CDT1: variants seen among roughly 807,000 people sequenced by gnomAD.
The protein encoded by CDT1 is DNA replication factor Cdt1.
A neutral mutation model predicts 49.3 loss-of-function variants in CDT1; 66 were observed. The ratio of observed to expected loss-of-function variants is 1.34; its 90% CI spans 1.10 to 1.64. The LOEUF is 1.64. Among genes scored for constraint, CDT1 ranks in the 40% most tolerant of loss-of-function variants. The pLI, the probability that CDT1 is intolerant of heterozygous loss-of-function variation, is 0.00. For missense variants in CDT1, 958 were observed against 807.7 expected, an observed-to-expected ratio of 1.19 and a Z score of -2.26; for synonymous variants, 424 against 347.4, an observed-to-expected ratio of 1.22 and a Z score of -2.45.
Position 88,803,790 on chromosome 16 carries a change from T to C in CDT1, c.-42T>C. 6.9e-7 allele frequency: 1 copy of C among 1,454,412 alleles called. No individual in the cohort carries two copies. The highest frequency in any genetic ancestry group is 9.2e-7 in the Non-Finnish European group (1 of 1,082,304). 90.1% of individuals were successfully genotyped at this position (1,454,412 alleles called of 1,614,324 possible). On this transcript the variant is annotated 5_prime_UTR_variant, in exon 1 of 10. Transcript: ENST00000301019. ...GGCGGGAACCGCGCCCGCCTCTTCCTCCCTTCCTTCTTTCCTTGCTTTCGC... is the reference window on the plus strand; with the variant it reads ...GGCGGGAACCGCGCCCGCCTCTTCCCCCCTTCCTTCTTTCCTTGCTTTCGC...
chr16:88,806,605 A>G lies in CDT1; in HGVS notation c.1053A>G (p.Pro351=), dbSNP rs1187624252. 6.2e-7 allele frequency: 1 copy of G among 1,605,110 alleles called. No individual in the cohort carries two copies. Among genetic ancestry groups the G allele is most frequent in the Non-Finnish European group, 8.5e-7 (1 of 1,176,552 alleles). ...TCGAGCCGGCCGCGCTGCCCCAGCCACCCGCCACGGAGAAGCTCACCACTG... is the reference window on the plus strand; with the variant it reads ...TCGAGCCGGCCGCGCTGCCCCAGCCGCCCGCCACGGAGAAGCTCACCACTG... ...PDIEPAALPQ[P]PATEKLTTAQ... The change falls in exon 7 of 10, where the codon CCA becomes CCG. Residue 351 remains proline (P), a synonymous_variant. Coordinates refer to ENST00000301019, the MANE Select transcript of CDT1 (RefSeq NM_030928.4).
At position 88,808,856 on chromosome 16, in the gene CDT1, T is replaced by G. The variant is rs1908978427; in HGVS notation, c.*578T>G. ...CTAAAAATACAAAAAATTAGCCGGGTGTGGTGGTGGGCACCTGTCGTCCCA... is the reference window on the plus strand; with the variant it reads ...CTAAAAATACAAAAAATTAGCCGGGGGTGGTGGTGGGCACCTGTCGTCCCA... On this transcript the variant is annotated 3_prime_UTR_variant, in exon 10 of 10. Transcript: ENST00000301019. 6.3e-6 allele frequency: 1 copy of G among 159,654 alleles called. No individual in the cohort carries two copies. The highest frequency in any genetic ancestry group is 1.8e-4 in the South Asian group (1 of 5,652). The allele number at this position is 159,654 out of a possible 1,614,324, so 9.9% of individuals were successfully genotyped here.
intron 1 of CDT1, 29 bp downstream of exon 1, chr16:88,804,088 G>A (rs1243310380): frequency 3.7e-6 from 5 of 1,356,696 alleles, no homozygotes; most frequent in Non-Finnish European, 4.8e-6. Context: ...CTGAGGCCGG[G>A]GAGTTGGGGG....
rs1908998955 is a variant in CDT1 at position 88,809,171 on chromosome 16, C to A, written c.*893C>A. 3.2e-6 allele frequency: 1 copy of A among 312,236 alleles called. No homozygotes were observed. The highest frequency in any genetic ancestry group is 6.3e-6 in the Non-Finnish European group (1 of 158,568). The allele number at this position is 312,236 out of a possible 1,614,324, so 19.3% of individuals were successfully genotyped here. ...CAGGACAAGTAGGACATCCCTGGAG[C>A]CTCCAGAAGGGACTGGCCTCTGCCC... On this transcript the variant is annotated 3_prime_UTR_variant, in exon 10 of 10. Coordinates refer to ENST00000301019, the MANE Select transcript of CDT1 (RefSeq NM_030928.4).
chr16:88,805,854 C>T lies in CDT1; in HGVS notation c.817C>T (p.Pro273Ser). ...RRSDYQLTIE[P>S]LLEQEADGAA... ...GTCAGATTACCAGCTCACCATCGAG[C>T]CACTGCTGGAGCAGGGTGAGTGCTG... is the stretch of plus-strand genomic sequence containing the variant. Residue 273 changes from proline to serine, a missense_variant, in exon 5 of 10, where the codon CCA (proline) becomes TCA (serine). By Grantham distance (74) the Pro-to-Ser change is moderately conservative. Transcript: ENST00000301019. The T allele has an allele frequency of 2.5e-6, 4 of 1,613,050 alleles. No homozygotes were observed. The highest frequency in any genetic ancestry group is 3.4e-6 in the Non-Finnish European group (4 of 1,179,958).
Position 88,804,070 on chromosome 16 carries a change from TGGGGAGACTGAGGCCGGGGAGTTGGGGGC to T in CDT1, c.228+27_228+55del, listed in dbSNP as rs941213119. ...CTGTCGGTGGACGAGGTGAGGGGCGTGGGGAGACTGAGGCCGGGGAGTTGGGGGCGGGGAGACTGAGGCCCGGGGGGCAG... is the reference window on the plus strand; with the variant it reads ...CTGTCGGTGGACGAGGTGAGGGGCGTGGGGAGACTGAGGCCCGGGGGGCAG... On this transcript the variant is annotated intron_variant, in intron 1 of 9. Coordinates refer to ENST00000301019, the MANE Select transcript of CDT1 (RefSeq NM_030928.4). 3.6e-6 allele frequency: 5 copies of T among 1,381,628 alleles called. No homozygotes were observed. The African/African-American group carries it at 4.7e-5, about 13-fold the overall frequency. 85.6% of individuals were successfully genotyped at this position (1,381,628 alleles called of 1,614,324 possible).
At position 88,808,349 on chromosome 16, in the gene CDT1, T is replaced by C; in HGVS notation, c.*71T>C. On this transcript the variant is annotated 3_prime_UTR_variant, in exon 10 of 10. Transcript: ENST00000301019. ...GCCTGGGCCCACCAGCATTTTCTTT[T>C]ATGAACATGATACACTTTGGCCTTC... 1 of 1,496,782 alleles carries C rather than the reference T, an allele frequency of 6.7e-7. No individual in the cohort carries two copies. The highest frequency in any genetic ancestry group is 9.0e-7 in the Non-Finnish European group (1 of 1,111,428). The allele number at this position is 1,496,782 out of a possible 1,614,324, so 92.7% of individuals were successfully genotyped here. A position where few individuals can be genotyped will look rare whatever the true frequency, so the allele number is the denominator to read the frequency against.
At chr16:88,806,943 G>A in intron 7 of CDT1, 108 bp from the exon 8 acceptor site, 1 of 1,452,504 alleles carries the variant, frequency 6.9e-7, no homozygotes, top group Non-Finnish European at 9.6e-7. Flanking sequence ...AGACCACCCA[G>A]TGTGCTGGGT....
chr16:88,804,941 G>C (rs770881689), intron 3 of CDT1, 43 bp downstream of exon 3: 26 of 1,533,386 alleles, frequency 1.7e-5, no homozygotes, highest in Non-Finnish European at 2.1e-5. Flanking sequence ...GCAAAGGCCG[G>C]GTTGGTGGCA....
chr16:88,804,616 A>C lies in CDT1; in HGVS notation c.300A>C (p.Lys100Asn). The C allele has an allele frequency of 3.7e-6, 6 of 1,612,782 alleles. No homozygotes were observed. The highest frequency in any genetic ancestry group is 5.1e-6 in the Non-Finnish European group (6 of 1,179,838). Reference protein sequence around the residue: ...ACPSPGQKIKKSTPAAGQPPH... With the variant: ...ACPSPGQKIKNSTPAAGQPPH... ...CTTCTCCGGGCCAGAAGATAAAGAA[A>C]TCCACCCCGGCAGCAGGTCAGCCGC... The change falls in exon 2 of 10, where the codon AAA becomes AAC. Residue 100 changes from lysine to asparagine, a missense_variant. By Grantham distance (94) the Lys-to-Asn change is moderately conservative. Transcript: ENST00000301019.
intron 1 of CDT1, 27 bp downstream of exon 1, chr16:88,804,086 G>A (rs1443455852): frequency 4.5e-6 from 6 of 1,335,102 alleles, no homozygotes; most frequent in East Asian, 3.1e-5. Flanking sequence ...GACTGAGGCC[G>A]GGGAGTTGGG....
In CDT1 at chr16:88,808,227, C is replaced by T. The variant is rs1908943994; in HGVS notation, c.1590C>T (p.Ala530=). ...AGCTGGACAAGGCCGCGGACCTCGC[C>T]CACATCACTGCACGCCTGGCCCACC... ...YVKLDKAADL[A]HITARLAHQT... The change falls in exon 10 of 10, where the codon GCC becomes GCT. Residue 530 remains alanine (A), a synonymous_variant. Transcript: ENST00000301019. The T allele has an allele frequency of 6.2e-7, 1 of 1,608,278 alleles. No individual in the cohort carries two copies. The highest frequency in any genetic ancestry group is 1.1e-5 in the South Asian group (1 of 90,218).
Position 88,807,311 on chromosome 16 carries a change from GCA to G in CDT1, c.1309_1310del (p.Gln437AspfsTer19), listed in dbSNP as rs1567502610. ...AGCCAAGGAGGCACAGAAGCAGCTGGCACAGATGACGCGGTGCCCGGAGCAGG... is the reference window on the plus strand; with the variant it reads ...AGCCAAGGAGGCACAGAAGCAGCTGGCAGATGACGCGGTGCCCGGAGCAGG... ...IRAKEAQKQLAQMTRCPEQEQ... is the reference protein window; with the variant it reads ...IRAKEAQKQLXQMTRCPEQEQ... On this transcript the variant is annotated frameshift_variant, in exon 9 of 10. Transcript: ENST00000301019. LOFTEE classifies it high-confidence loss of function. 8.7e-6 allele frequency: 14 copies of G among 1,612,424 alleles called. No individual in the cohort carries two copies. Among genetic ancestry groups the G allele is most frequent in the Non-Finnish European group, 1.2e-5 (14 of 1,179,932 alleles).
Position 88,807,448 on chromosome 16 carries a change from G to A in CDT1, c.1443G>A (p.Arg481=), listed in dbSNP as rs751844135. Residue 481 remains arginine (R), a synonymous_variant, in exon 9 of 10, where the codon AGG becomes AGA. Transcript: ENST00000301019. ...PALSMEVACA[R]MVGSCCTIMS... ...TCAGCATGGAGGTGGCCTGTGCCAGGATGGTGGGCAGCTGTTGTACTATCA... is the reference window on the plus strand; with the variant it reads ...TCAGCATGGAGGTGGCCTGTGCCAGAATGGTGGGCAGCTGTTGTACTATCA... The A allele has an allele frequency of 6.2e-7, 1 of 1,613,222 alleles. No individual in the cohort carries two copies. The highest frequency in any genetic ancestry group is 8.5e-7 in the Non-Finnish European group (1 of 1,179,984).
chr16:88,806,335 C>T, intron 6 of CDT1, 151 bp from the exon 7 acceptor site: 1 of 1,097,440 alleles, frequency 9.1e-7, no homozygotes. Flanking sequence ...CATGGGAGGC[C>T]TTGTGCTCTC....
At chr16:88,805,012 G>A (rs1369000403) in intron 3 of CDT1, 114 bp downstream of exon 3, 1 of 1,391,716 alleles carries the variant, frequency 7.2e-7, no homozygotes, top group Non-Finnish European at 9.6e-7. Context: ...GGGTGGTGGT[G>A]AGGTCACCAG....
chr16:88,808,576 G>GT lies in CDT1; in HGVS notation c.*299dup, dbSNP rs1025790055. On this transcript the variant is annotated 3_prime_UTR_variant, in exon 10 of 10. Transcript: ENST00000301019. ...AGCACCCCCTGGGGGGCCATCGGGAGTGTGGCTGGGGGTGAAGGGGGCTCT... is the reference window on the plus strand; with the variant it reads ...AGCACCCCCTGGGGGGCCATCGGGAGTTGTGGCTGGGGGTGAAGGGGGCTCT... The GT allele has an allele frequency of 2.0e-4, 94 of 479,984 alleles. 1 individual carries two copies. The highest frequency in any genetic ancestry group is 3.1e-4 in the Non-Finnish European group (83 of 266,730). The allele number at this position is 479,984 out of a possible 1,614,324, so 29.7% of individuals were successfully genotyped here. A position where few individuals can be genotyped will look rare whatever the true frequency, so the allele number is the denominator to read the frequency against.
chr16:88,804,526 T>A lies in CDT1; in HGVS notation c.229-19T>A, dbSNP rs200671635. On this transcript the variant is annotated intron_variant, in intron 1 of 9. Coordinates refer to ENST00000301019, the MANE Select transcript of CDT1 (RefSeq NM_030928.4). ...ACCAGGTCTTGTCATGAGTTCACCC[T>A]TGGGGTCCCTCCCACCAGGTTTCCA... 1 of 1,610,600 alleles carries A rather than the reference T, an allele frequency of 6.2e-7. No individual in the cohort carries two copies. Among genetic ancestry groups the A allele is most frequent in the African/African-American group, 1.3e-5 (1 of 75,014 alleles).
rs376711413 is a variant in CDT1, at chr16:88,805,590, G to A, written c.639G>A (p.Thr213=). Residue 213 remains threonine, a synonymous_variant, in exon 4 of 10, where the codon ACG becomes ACA. Coordinates refer to ENST00000301019, the MANE Select transcript of CDT1 (RefSeq NM_030928.4). ...IVGMLHNRSE[T]PTFAKVQRGV... ...GCATGCTCCACAACCGCTCCGAGAC[G>A]CCCACCTTTGCCAAGGTCCAGCGGG... is the stretch of plus-strand genomic sequence containing the variant. 1.8e-4 allele frequency: 293 copies of A among 1,612,688 alleles called. No homozygotes were observed. Among genetic ancestry groups the A allele is most frequent in the Non-Finnish European group, 2.2e-4 (261 of 1,179,964 alleles).
Sources: gnomAD v4.1 joint callset for allele counts on GRCh38, gnomAD v4.1.1 for gene constraint, MANE v1.5 for transcripts, NCBI Gene and HGNC (gene_info 2026-07-23, HGNC 2026-07-21) for gene names.